The following COL4A6 variants were observed in gnomAD, a reference collection of about 807,000 sequenced individuals.
COL4A6 encodes collagen alpha-6(IV) chain.
Under a neutral mutation model 126.7 loss-of-function variants are expected in COL4A6, and 59 were observed. That is an observed-to-expected ratio of 0.47 (90% CI 0.38 to 0.58). COL4A6 has a LOEUF of 0.58. Ranked by LOEUF, COL4A6 falls within the 20% of genes least tolerant of loss-of-function variation. The pLI is 0.00. For synonymous variants in COL4A6, 547 were observed against 496.6 expected (o/e 1.10, Z -1.35); for missense variants, 1,285 against 1,337.3 (o/e 0.96, Z 0.61).
intron 2 of COL4A6, among the ~76,000 whole-genome samples, chrX:108,354,178 C>T (rs1456705851): frequency 9.1e-6 from 1 of 110,424 alleles, no homozygotes; most frequent in East Asian, 2.9e-4. Flanking sequence ...AAATAAGTGA[C>T]GCTATGAGAA....
chrX:108,386,058 T>C (rs1255110449), intron 2 of COL4A6, among the ~76,000 whole-genome samples: 2 of 112,044 alleles, frequency 1.8e-5, no homozygotes, highest in Admixed American at 1.9e-4. Context: ...TCATGCTTTT[T>C]TTATGGCTGC....
At chrX:108,430,039 A>G (rs1255549269) in intron 2 of COL4A6, among the ~76,000 whole-genome samples, 1 of 111,932 alleles carries the variant, frequency 8.9e-6, no homozygotes, top group East Asian at 2.8e-4. Context: ...TAAGCATAGG[A>G]ATCTTACCAC....
At chrX:108,271,793 T>C (rs779080606) in intron 3 of COL4A6, among the ~76,000 whole-genome samples, 8 of 112,309 alleles carry the variant, frequency 7.1e-5, no homozygotes, top group African/African-American at 2.3e-4. Context: ...TTCTCTCTTT[T>C]ACAGTGAGGG....
chrX:108,317,467 G>A (rs985418575), intron 2 of COL4A6, among the ~76,000 whole-genome samples: 7 of 112,185 alleles, frequency 6.2e-5, no homozygotes, highest in South Asian at 3.7e-4. Context: ...ACTTAAGATC[G>A]CAATGGTTTA....
chrX:108,284,930 G>A (rs1321397358), intron 3 of COL4A6, among the ~76,000 whole-genome samples: 1 of 111,856 alleles, frequency 8.9e-6, no homozygotes, highest in Non-Finnish European at 1.9e-5. Flanking sequence ...CCTCTTTATA[G>A]AAACACCTGG....
chrX:108,159,867 A>G lies in COL4A6; in HGVS notation c.4526-119T>C, dbSNP rs1602696748. On this transcript the variant is annotated intron_variant, in intron 43 of 44. Coordinates refer to ENST00000334504, the MANE Select transcript of COL4A6 (RefSeq NM_033641.4). ...AGACTGAGGCAGCCCTCTCCTTCCA[A>G]TCCTGTAACATTGTACATGTGCTGA... is the stretch of plus-strand genomic sequence containing the variant. The G allele has an allele frequency of 5.4e-6, 4 of 742,888 alleles. No homozygotes were observed. In the African/African-American group the frequency reaches 6.2e-5, roughly 12 times the overall value. The allele number at this position is 742,888 out of a possible 1,213,427, so 61.2% of individuals were successfully genotyped here.
chrX:108,392,621 G>T (rs2040863047), intron 2 of COL4A6, among the ~76,000 whole-genome samples: 2 of 111,698 alleles, frequency 1.8e-5, no homozygotes, highest in African/African-American at 6.5e-5. Context: ...GGATCTTTGA[G>T]TCTCCCCAAA....
At chrX:108,287,993 T>G (rs2038053537) in intron 3 of COL4A6, among the ~76,000 whole-genome samples, 1 of 112,073 alleles carries the variant, frequency 8.9e-6, no homozygotes, top group South Asian at 3.8e-4. Context: ...AACCATTGTT[T>G]TCCTTTTGTC....
At chrX:108,424,252 TG>T (rs1223179777) in intron 2 of COL4A6, among the ~76,000 whole-genome samples, 2 of 111,566 alleles carry the variant, frequency 1.8e-5, no homozygotes, top group Non-Finnish European at 3.8e-5. Context: ...AGATTCTGTA[TG>T]GGGTGGCAGC....
chrX:108,204,474 G>C lies in COL4A6; in HGVS notation c.688-62C>G, dbSNP rs772887551. On this transcript the variant is annotated intron_variant, in intron 11 of 44. Coordinates refer to ENST00000334504, the MANE Select transcript of COL4A6 (RefSeq NM_033641.4). Reference sequence around the variant, plus strand: ...TCACACCGACCGTTTTTCCAGAGTGGGGGTTTGTCCTCTGGATGTAACTCA... The same window carrying C: ...TCACACCGACCGTTTTTCCAGAGTGCGGGTTTGTCCTCTGGATGTAACTCA... 1.2e-5 allele frequency: 12 copies of C among 991,355 alleles called. No individual in the cohort carries two copies. In the South Asian group the frequency reaches 2.3e-4, roughly 19 times the overall value. 81.7% of individuals were successfully genotyped at this position (991,355 alleles called of 1,213,427 possible).
chrX:108,221,346 C>T lies in COL4A6; in HGVS notation c.173G>A (p.Gly58Asp). ...RGRPGPIGIQGPTGPQGFTGS... is the reference protein window; with the variant it reads ...RGRPGPIGIQDPTGPQGFTGS... ...AGTGAATCCTTGAGGACCTGTTGGG[C>T]CTTGAATTCCAATTGGTCCAGGTCG... The change falls in exon 4 of 45, where the codon GGC becomes GAC. Residue 58 changes from glycine (G) to aspartate (D), a missense_variant. By Grantham distance (94) the Gly-to-Asp change is moderately conservative. Coordinates refer to ENST00000334504, the MANE Select transcript of COL4A6 (RefSeq NM_033641.4). 1 of 1,211,439 alleles carries T rather than the reference C, an allele frequency of 8.3e-7. No individual in the cohort carries two copies. The highest frequency in any genetic ancestry group is 1.1e-6 in the Non-Finnish European group (1 of 895,227).
At chrX:108,356,512 G>A (rs1162343488) in intron 2 of COL4A6, among the ~76,000 whole-genome samples, 1 of 110,841 alleles carries the variant, frequency 9.0e-6, no homozygotes, top group African/African-American at 3.3e-5. Flanking sequence ...CTCCTAGGAA[G>A]TAAATAGGTT....
intron 2 of COL4A6, among the ~76,000 whole-genome samples, chrX:108,381,464 T>A (rs1057468509): frequency 2.6e-4 from 29 of 112,142 alleles, no homozygotes; most frequent in Non-Finnish European, 4.9e-4. Flanking sequence ...AACATTTTTT[T>A]AAAAAAAGAA....
chrX:108,294,941 A>G (rs1471419900), intron 3 of COL4A6, among the ~76,000 whole-genome samples: 2 of 112,096 alleles, frequency 1.8e-5, no homozygotes, highest in Non-Finnish European at 3.8e-5. Flanking sequence ...ATTAAATGAG[A>G]CATATATAGA....
intron 3 of COL4A6, among the ~76,000 whole-genome samples, chrX:108,288,808 T>C (rs915927100): frequency 1.8e-5 from 2 of 111,197 alleles, no homozygotes; most frequent in East Asian, 2.8e-4. Context: ...GAGAAATATA[T>C]TGGGCGCCAC....
intron 3 of COL4A6, among the ~76,000 whole-genome samples, chrX:108,308,333 T>C (rs2038678056): frequency 8.9e-6 from 1 of 112,025 alleles, no homozygotes; most frequent in Non-Finnish European, 1.9e-5. Context: ...TAAGATTTTC[T>C]ACTTTTAAAG....
rs191181675 is a variant in COL4A6 at position 108,394,041 on chromosome X, A to G, written c.63+43901T>C. Among the ~76,000 whole-genome samples the G allele has an allele frequency of 4.5e-5, 5 of 112,321 alleles. No individual in the cohort carries two copies. The East Asian group carries it at 1.4e-3, about 31-fold the overall frequency. The stretch of plus-strand genomic sequence containing the variant: ...GAACCAACCCAAATGTCCATCAATG[A>G]TAGACTGGATAAAGAAAATGTGGCA... On this transcript the variant is annotated intron_variant, in intron 2 of 44. Coordinates refer to ENST00000334504, the MANE Select transcript of COL4A6 (RefSeq NM_033641.4).
At chrX:108,404,220 T>C (rs1036484430) in intron 2 of COL4A6, among the ~76,000 whole-genome samples, 1 of 112,277 alleles carries the variant, frequency 8.9e-6, no homozygotes, top group Non-Finnish European at 1.9e-5. Context: ...CATATTATTT[T>C]AGTAAATAAA....
At chrX:108,287,052 G>A (rs967509988) in intron 3 of COL4A6, among the ~76,000 whole-genome samples, 2 of 111,551 alleles carry the variant, frequency 1.8e-5, no homozygotes, top group African/African-American at 3.3e-5. Context: ...TGATGATCAT[G>A]GAGATGCCAT....
Sources: gnomAD v4.1 joint callset for allele counts (sites outside exome capture counted in the v4.1 genomes callset) on GRCh38, gnomAD v4.1.1 for gene constraint, MANE v1.5 for transcripts, NCBI Gene and HGNC (gene_info 2026-07-23, HGNC 2026-07-21) for gene names.